The following REEP1 variants were observed in gnomAD, a reference collection of about 807,000 sequenced individuals.
REEP1 encodes the protein receptor accessory protein 1.
In REEP1, 22 loss-of-function variants were observed where a neutral mutation model predicts 40.3. The ratio of observed to expected loss-of-function variants is 0.55; its 90% CI spans 0.39 to 0.78. REEP1 has a LOEUF of 0.78. Ranked by LOEUF, REEP1 falls within the 30% of genes least tolerant of loss-of-function variation. The pLI is 0.00. For missense variants in REEP1, 280 were observed against 361.1 expected, an observed-to-expected ratio of 0.78 and a Z score of 1.82; for synonymous variants, 116 against 139.2, an observed-to-expected ratio of 0.83 and a Z score of 1.17.
intron 5 of REEP1, among the ~76,000 whole-genome samples, chr2:86,242,414 C>T (rs1291272231): frequency 6.6e-6 from 1 of 152,140 alleles, no homozygotes; most frequent in Non-Finnish European, 1.5e-5. Context: ...AGGTAAGACA[C>T]ATATACATGA....
intron 2 of REEP1, among the ~76,000 whole-genome samples, chr2:86,278,453 T>C (rs1171515178): frequency 6.6e-6 from 1 of 152,188 alleles, no homozygotes; most frequent in African/African-American, 2.4e-5. Flanking sequence ...ACTTACGGAA[T>C]CTGGATTTGA....
At chr2:86,236,245 C>T (rs1459787170) in intron 5 of REEP1, among the ~76,000 whole-genome samples, 1 of 151,758 alleles carries the variant, frequency 6.6e-6, no homozygotes, top group Non-Finnish European at 1.5e-5. Context: ...ACATGCCTCT[C>T]TCTTTTGTAA....
intron 2 of REEP1, among the ~76,000 whole-genome samples, chr2:86,280,743 T>C (rs894206263): frequency 5.9e-5 from 9 of 151,940 alleles, no homozygotes; most frequent in African/African-American, 2.2e-4. Context: ...AACAGCAAGG[T>C]GCAAGCCCAG....
At chr2:86,320,143 G>A (rs1680214557) in intron 1 of REEP1, among the ~76,000 whole-genome samples, 1 of 152,194 alleles carries the variant, frequency 6.6e-6, no homozygotes, top group African/African-American at 2.4e-5. Flanking sequence ...AGAGAGAGAA[G>A]CCTGCTGCAA....
At chr2:86,269,145 C>T (rs1256007346) in intron 2 of REEP1, among the ~76,000 whole-genome samples, 1 of 152,216 alleles carries the variant, frequency 6.6e-6, no homozygotes, top group Non-Finnish European at 1.5e-5. Context: ...AGTTGGACTT[C>T]ATTAAAATTC....
chr2:86,285,252 A>G (rs535530049), intron 1 of REEP1, among the ~76,000 whole-genome samples: 2 of 152,208 alleles, frequency 1.3e-5, no homozygotes, highest in East Asian at 3.9e-4. Context: ...TCCCAATCCC[A>G]CAACTCTTTT....
intron 5 of REEP1, among the ~76,000 whole-genome samples, chr2:86,247,278 G>A (rs1055202251): frequency 3.9e-5 from 6 of 152,266 alleles, no homozygotes; most frequent in South Asian, 2.1e-4. Context: ...AACACTTCCC[G>A]GGGATAGGGG....
intron 2 of REEP1, among the ~76,000 whole-genome samples, chr2:86,281,430 C>A (rs1314749927): frequency 2.6e-5 from 4 of 152,302 alleles, no homozygotes; most frequent in Middle Eastern, 3.4e-3. Context: ...GAGTTCGAGA[C>A]CAGCCTGGCC....
chr2:86,283,979 G>A lies in REEP1; in HGVS notation c.33-1737C>T, dbSNP rs536240143. On this transcript the variant is annotated intron_variant, in intron 1 of 8. Transcript: ENST00000538924. ...TGAAGAGCAGGATGAGCCACTGGGG[G>A]GATGAGAGAGTAGTGGAAGGAAGGG... Among the ~76,000 whole-genome samples, 369 of 152,238 alleles carry A rather than the reference G, an allele frequency of 2.4e-3. 3 individuals carry two copies. The highest frequency in any genetic ancestry group is 8.5e-3 in the African/African-American group (354 of 41,534).
At chr2:86,293,827 G>A (rs1678847791) in intron 1 of REEP1, among the ~76,000 whole-genome samples, 1 of 152,176 alleles carries the variant, frequency 6.6e-6, no homozygotes, top group Non-Finnish European at 1.5e-5. Flanking sequence ...GAATGGTTAT[G>A]TCTCAAAAAG....
intron 2 of REEP1, among the ~76,000 whole-genome samples, chr2:86,274,922 G>C (rs1218615968): frequency 1.3e-5 from 2 of 152,198 alleles, no homozygotes; most frequent in Non-Finnish European, 2.9e-5. Flanking sequence ...GCAGCTGGCT[G>C]AAATTCCCTG....
chr2:86,244,391 A>G (rs760043367), intron 5 of REEP1, among the ~76,000 whole-genome samples: 5 of 151,898 alleles, frequency 3.3e-5, no homozygotes, highest in Non-Finnish European at 7.4e-5. Context: ...ATTTTTTTTA[A>G]GTAGAAAAAC....
intron 5 of REEP1, among the ~76,000 whole-genome samples, chr2:86,240,236 G>A (rs1005283320): frequency 2.0e-5 from 3 of 152,324 alleles, no homozygotes; most frequent in East Asian, 3.9e-4. Flanking sequence ...GAAGCTCTGC[G>A]TGAAGCACCG....
intron 2 of REEP1, among the ~76,000 whole-genome samples, chr2:86,266,741 C>T (rs1677161815): frequency 6.6e-6 from 1 of 151,488 alleles, no homozygotes; most frequent in Non-Finnish European, 1.5e-5. Context: ...GGCGTGGTGG[C>T]TCACGCCTGT....
chr2:86,278,851 C>T (rs1319178823), intron 2 of REEP1, among the ~76,000 whole-genome samples: 1 of 152,214 alleles, frequency 6.6e-6, no homozygotes, highest in Non-Finnish European at 1.5e-5. Context: ...TATCTTTCTC[C>T]TGCTACCTAG....
chr2:86,310,276 T>C (rs987569823), intron 1 of REEP1, among the ~76,000 whole-genome samples: 1 of 152,196 alleles, frequency 6.6e-6, no homozygotes, highest in Admixed American at 6.5e-5. Context: ...GGACGGCACA[T>C]ACAACAGTGG....
At chr2:86,333,683 T>C (rs1217590579) in intron 1 of REEP1, among the ~76,000 whole-genome samples, 1 of 152,242 alleles carries the variant, frequency 6.6e-6, no homozygotes, top group Non-Finnish European at 1.5e-5. Flanking sequence ...AGAGCAACGT[T>C]GGTATCCCCC....
intron 6 of REEP1, among the ~76,000 whole-genome samples, chr2:86,231,255 A>T (rs1310815139): frequency 6.6e-6 from 1 of 152,062 alleles, no homozygotes; most frequent in Non-Finnish European, 1.5e-5. Flanking sequence ...CTCGGGGGGT[A>T]ACCCCTCCCT....
intron 1 of REEP1, among the ~76,000 whole-genome samples, chr2:86,309,690 T>A (rs1305128142): frequency 6.6e-6 from 1 of 152,132 alleles, no homozygotes; most frequent in South Asian, 2.1e-4. Context: ...CCTCACATGG[T>A]GGGAAAAGAG....
Sources: gnomAD v4.1 joint callset for allele counts (sites outside exome capture counted in the v4.1 genomes callset) on GRCh38, gnomAD v4.1.1 for gene constraint, MANE v1.5 for transcripts, NCBI Gene and HGNC (gene_info 2026-07-23, HGNC 2026-07-21) for gene names.